The following HEATR4 variants were observed in gnomAD, a reference collection of about 807,000 sequenced individuals.
The protein encoded by HEATR4 is HEAT repeat containing 4, also known as HEAT repeat-containing protein 4.
Under a neutral mutation model 108.8 loss-of-function variants are expected in HEATR4, and 95 were observed. The observed-to-expected ratio is 0.87, with a 90% CI of 0.74 to 1.04. The LOEUF is 1.04. Ranked by LOEUF, HEATR4 falls within the 50% of genes least tolerant of loss-of-function variation. HEATR4 has a pLI of 0.00. For missense variants in HEATR4, 1,152 were observed against 1,253.8 expected (o/e 0.92, Z 1.23); for synonymous variants, 443 against 459.4 (o/e 0.96, Z 0.46).
chr14:73,627,209 T>C, the HEATR4 span, among the ~76,000 whole-genome samples: 5 of 151,848 alleles, frequency 3.3e-5, no homozygotes, highest in African/African-American at 9.7e-5. Context: ...CCTGGTGCAA[T>C]TCTCTCACTC....
the HEATR4 span, among the ~76,000 whole-genome samples, chr14:73,625,733 C>T: frequency 6.6e-6 from 1 of 152,194 alleles, no homozygotes; most frequent in African/African-American, 2.4e-5. Flanking sequence ...GCTCCCAGAA[C>T]TGCACCCACA....
In HEATR4 at chr14:73,500,222, T is replaced by C. The variant is rs1269993508; in HGVS notation, c.2286+328A>G. Among the ~76,000 whole-genome samples the C allele has an allele frequency of 2.0e-5, 3 of 151,104 alleles. No homozygotes were observed. In the East Asian group the frequency reaches 5.8e-4, roughly 29 times the overall value. On this transcript the variant is annotated intron_variant, in intron 12 of 17. Coordinates refer to ENST00000553558, the MANE Select transcript of HEATR4 (RefSeq NM_001220484.1). Reference sequence around the variant, plus strand: ...TCCAGCTTGGGTCACAGAGCGAGACTCCGTCTCAAAACAAACAAACAAACA... The same window carrying C: ...TCCAGCTTGGGTCACAGAGCGAGACCCCGTCTCAAAACAAACAAACAAACA...
the HEATR4 span, among the ~76,000 whole-genome samples, chr14:73,578,153 A>T: frequency 0.02 from 3,013 of 152,060 alleles, 118 homozygotes; most frequent in African/African-American, 0.069. Flanking sequence ...CCCTGGCAAA[A>T]AAATGTTTTA....
At chr14:73,582,944 A>G in the HEATR4 span, 1 of 152,070 alleles carries the variant, frequency 6.6e-6, no homozygotes, top group Non-Finnish European at 1.5e-5. Flanking sequence ...TGTCTCATTT[A>G]AATTCTTTTA....
chr14:73,491,368 C>A, intron 17 of HEATR4: 1 of 1,366,908 alleles, frequency 7.3e-7, no homozygotes, highest in Non-Finnish European at 9.4e-7. Flanking sequence ...CCCTGCAGAC[C>A]CCGTCGGCGC....
upstream of HEATR4, among the ~76,000 whole-genome samples, chr14:73,563,207 G>A (rs957385777): frequency 1.1e-4 from 17 of 151,940 alleles, no homozygotes; most frequent in African/African-American, 4.1e-4. Context: ...TCAGCCGGCC[G>A]ACTCTTATAG....
At chr14:73,615,657 G>T in the HEATR4 span, among the ~76,000 whole-genome samples, 6 of 151,664 alleles carry the variant, frequency 4.0e-5, no homozygotes, top group African/African-American at 9.7e-5. Flanking sequence ...TTGAACCCGG[G>T]GGGAGACGGA....
chr14:73,504,344 G>C (rs1057250966), intron 10 of HEATR4, among the ~76,000 whole-genome samples: 1 of 151,714 alleles, frequency 6.6e-6, no homozygotes. Context: ...CTGGGATCAC[G>C]CCATTCTCCT....
chr14:73,630,293 T>C, the HEATR4 span, among the ~76,000 whole-genome samples: 16 of 152,314 alleles, frequency 1.1e-4, no homozygotes, highest in African/African-American at 3.1e-4. Context: ...TTATCGCTAC[T>C]GCACAAATCC....
chr14:73,578,413 G>A, the HEATR4 span, among the ~76,000 whole-genome samples: 1 of 151,736 alleles, frequency 6.6e-6, no homozygotes. Context: ...TATTTTTGCA[G>A]AGACAAGGTT....
the HEATR4 span, chr14:73,593,758 G>T: frequency 6.2e-7 from 1 of 1,613,866 alleles, no homozygotes; most frequent in Non-Finnish European, 8.5e-7. Context: ...GGGCCTCTTG[G>T]AATATCGAGC....
At chr14:73,586,859 T>C in the HEATR4 span, among the ~76,000 whole-genome samples, 1 of 152,118 alleles carries the variant, frequency 6.6e-6, no homozygotes, top group Non-Finnish European at 1.5e-5. Context: ...ACTGCAGGTA[T>C]GCACTACCAC....
the HEATR4 span, chr14:73,575,789 A>C: frequency 6.1e-5 from 10 of 164,980 alleles, no homozygotes; most frequent in Non-Finnish European, 7.9e-5. Context: ...TTAGTTCTGA[A>C]AGGAAAAGTG....
At chr14:73,604,253 T>C in the HEATR4 span, among the ~76,000 whole-genome samples, 3 of 144,082 alleles carry the variant, frequency 2.1e-5, no homozygotes, top group African/African-American at 7.8e-5. Flanking sequence ...CCACCTCCAC[T>C]TTCTCGGTTC....
At chr14:73,581,465 ATGTG>A in the HEATR4 span, 2 of 150,896 alleles carry the variant, frequency 1.3e-5, no homozygotes, top group Non-Finnish European at 3.0e-5. Context: ...GTGTCTGTGT[ATGTG>A]TGTGTGTGTG....
chr14:73,507,626 G>A (rs1483403973), intron 9 of HEATR4, among the ~76,000 whole-genome samples: 1 of 152,012 alleles, frequency 6.6e-6, no homozygotes, highest in East Asian at 1.9e-4. Flanking sequence ...TGTAGAGACA[G>A]GGTCTCACTA....
chr14:73,561,329 G>T (rs980815421), upstream of HEATR4, among the ~76,000 whole-genome samples: 2 of 150,914 alleles, frequency 1.3e-5, no homozygotes, highest in African/African-American at 4.9e-5. Flanking sequence ...TCTCGCCATT[G>T]TGGTCCAGCC....
At position 73,523,018 on chromosome 14, in the gene HEATR4, A is replaced by G; in HGVS notation, c.135T>C (p.Ser45=). 6.2e-7 allele frequency: 1 copy of G among 1,613,974 alleles called. No homozygotes were observed. Among genetic ancestry groups the G allele is most frequent in the Non-Finnish European group, 8.5e-7 (1 of 1,180,038 alleles). Residue 45 remains serine (S), a synonymous_variant, in exon 3 of 18, where the codon AGT becomes AGC. Transcript: ENST00000553558. ...KGKEECASVS[S]VPMVFFSSQY... Reference sequence around the variant, plus strand: ...GTGAGCTGAAGAAGACCATAGGCACACTGGAGACAGAGGCACACTCCTCCT... The same window carrying G: ...GTGAGCTGAAGAAGACCATAGGCACGCTGGAGACAGAGGCACACTCCTCCT...
chr14:73,618,939 G>A, the HEATR4 span, among the ~76,000 whole-genome samples: 4 of 152,110 alleles, frequency 2.6e-5, no homozygotes, highest in African/African-American at 7.2e-5. Context: ...GAGACCAGCT[G>A]GCCAACATGG....
Sources: allele counts gnomAD v4.1 joint callset (sites outside exome capture counted in the v4.1 genomes callset), GRCh38; gene constraint gnomAD v4.1.1; transcripts MANE v1.5; gene names NCBI Gene and HGNC (gene_info 2026-07-23, HGNC 2026-07-21).